DLGAP2: variants seen among roughly 807,000 people sequenced by gnomAD.
DLGAP2 encodes disks large-associated protein 2.
In DLGAP2, 26 loss-of-function variants were observed where a neutral mutation model predicts 100.3. That is an observed-to-expected ratio of 0.26 (90% CI 0.19 to 0.36). The LOEUF is 0.36. Among genes scored for constraint, DLGAP2 ranks in the 10% least tolerant of loss-of-function variants. The pLI, the probability that DLGAP2 is intolerant of heterozygous loss-of-function variation, is 1.00. For synonymous variants in DLGAP2, 886 were observed against 630.1 expected (o/e 1.41, Z -6.08); for missense variants, 1,858 against 1,453.2 (o/e 1.28, Z -4.53).
intron 1 of DLGAP2, among the ~76,000 whole-genome samples, chr8:787,340 C>T (rs1346641252): frequency 6.6e-6 from 1 of 152,206 alleles, no homozygotes; most frequent in Admixed American, 6.5e-5. Context: ...GACCCTCCTT[C>T]CCATGTTGTA....
chr8:1,321,848 C>T (rs1352962943), intron 3 of DLGAP2, among the ~76,000 whole-genome samples: 2 of 152,162 alleles, frequency 1.3e-5, no homozygotes, highest in African/African-American at 4.8e-5. Flanking sequence ...AACAAGGGTT[C>T]CTTTCTTTGT....
intron 7 of DLGAP2, among the ~76,000 whole-genome samples, chr8:1,628,807 C>G (rs562186776): frequency 6.6e-6 from 1 of 150,966 alleles, no homozygotes; most frequent in Non-Finnish European, 1.5e-5. Context: ...GAGCCTGAGC[C>G]GACCTCACAT....
chr8:1,044,928 C>T (rs537558521), intron 2 of DLGAP2, among the ~76,000 whole-genome samples: 2 of 152,332 alleles, frequency 1.3e-5, no homozygotes, highest in Admixed American at 1.3e-4. Context: ...TCCCCATCAC[C>T]CCATGGTGAG....
intron 3 of DLGAP2, among the ~76,000 whole-genome samples, chr8:1,287,471 C>A (rs79448881): frequency 1.7e-4 from 4 of 23,336 alleles, no homozygotes; most frequent in African/African-American, 3.1e-4. Flanking sequence ...TTCGGTTCAG[C>A]GTGTGTGTGT....
chr8:1,527,387 C>T (rs553081554), intron 4 of DLGAP2, among the ~76,000 whole-genome samples: 2 of 152,358 alleles, frequency 1.3e-5, no homozygotes, highest in South Asian at 4.1e-4. Flanking sequence ...CACAGGCAAG[C>T]TCCCGCTTCT....
At chr8:1,450,768 G>C (rs999151603) in intron 3 of DLGAP2, among the ~76,000 whole-genome samples, 1 of 152,082 alleles carries the variant, frequency 6.6e-6, no homozygotes, top group African/African-American at 2.4e-5. Flanking sequence ...ATGTCTCTGC[G>C]CTCAACGTTC....
At chr8:786,737 C>G (rs1647057811) in intron 1 of DLGAP2, among the ~76,000 whole-genome samples, 1 of 151,154 alleles carries the variant, frequency 6.6e-6, no homozygotes, top group African/African-American at 2.4e-5. Flanking sequence ...CAACTGCCTC[C>G]GAGTGATGCC....
chr8:1,503,981 G>C (rs1413199089), intron 4 of DLGAP2, among the ~76,000 whole-genome samples: 2 of 152,152 alleles, frequency 1.3e-5, no homozygotes, highest in African/African-American at 4.8e-5. Flanking sequence ...GTGACCTGGA[G>C]TCACAAGATT....
chr8:1,043,594 C>T (rs144247814), intron 2 of DLGAP2, among the ~76,000 whole-genome samples: 14 of 151,720 alleles, frequency 9.2e-5, no homozygotes, highest in African/African-American at 2.9e-4. Flanking sequence ...TGAGTGATAA[C>T]GAAAACTAGG....
intron 3 of DLGAP2, among the ~76,000 whole-genome samples, chr8:1,305,285 C>T (rs1231581015): frequency 3.3e-5 from 5 of 152,206 alleles, no homozygotes; most frequent in East Asian, 1.9e-4. Flanking sequence ...CCTGGTCTTC[C>T]GCAGTTCTCT....
chr8:810,502 C>T (rs7820556), intron 1 of DLGAP2, among the ~76,000 whole-genome samples: 119,874 of 152,186 alleles, frequency 0.79, 47,877 homozygotes, highest in East Asian at 0.99. Context: ...CTATTGTTTT[C>T]GAAGTACATT....
chr8:1,060,111 G>C (rs1391623655), intron 2 of DLGAP2, among the ~76,000 whole-genome samples: 1 of 152,210 alleles, frequency 6.6e-6, no homozygotes, highest in Non-Finnish European at 1.5e-5. Flanking sequence ...CCCAGGGTCA[G>C]ATGTGAACCA....
chr8:757,797 C>G (rs1468358858), intron 1 of DLGAP2, among the ~76,000 whole-genome samples: 1 of 152,222 alleles, frequency 6.6e-6, no homozygotes, highest in African/African-American at 2.4e-5. Flanking sequence ...CCCTGGTGCT[C>G]TGCATGAAAG....
intron 2 of DLGAP2, among the ~76,000 whole-genome samples, chr8:1,113,215 A>G (rs771298604): frequency 1.3e-5 from 2 of 152,102 alleles, no homozygotes; most frequent in South Asian, 2.1e-4. Flanking sequence ...GAATTTTACA[A>G]TAGTTTTTTT....
Position 904,911 on chromosome 8 carries a change from G to A in DLGAP2, c.19-3001G>A, listed in dbSNP as rs139738799. Among the ~76,000 whole-genome samples the A allele has an allele frequency of 6.8e-4, 103 of 152,350 alleles. 1 individual carries two copies. The East Asian group carries it at 0.017, about 25-fold the overall frequency. On this transcript the variant is annotated intron_variant, in intron 1 of 14. Coordinates refer to ENST00000637795, the MANE Select transcript of DLGAP2 (RefSeq NM_001346810.2). ...CGGCCTTCTGTAAATCCTTCAGAGAGGAAGAAATAAACCTATTATGGTCCT... is the reference window on the plus strand; with the variant it reads ...CGGCCTTCTGTAAATCCTTCAGAGAAGAAGAAATAAACCTATTATGGTCCT...
intron 2 of DLGAP2, among the ~76,000 whole-genome samples, chr8:1,133,644 C>G (rs1366981062): frequency 6.6e-6 from 1 of 152,118 alleles, no homozygotes; most frequent in Non-Finnish European, 1.5e-5. Context: ...GATTTTATTA[C>G]AGCATAAATT....
chr8:1,540,405 T>G (rs1402651420), intron 4 of DLGAP2, among the ~76,000 whole-genome samples: 1 of 152,166 alleles, frequency 6.6e-6, no homozygotes, highest in Non-Finnish European at 1.5e-5. Context: ...TAAATTTTGT[T>G]TGAATGGCTG....
In DLGAP2 at chr8:1,529,003, T is replaced by C. The variant is rs147511327; in HGVS notation, c.173-19623T>C. ...TGATATTTAACCTTCCTCATGTTTA[T>C]AAAATTATAGTGGCTAAAAATCCTT... On this transcript the variant is annotated intron_variant, in intron 4 of 14. Coordinates refer to ENST00000637795, the MANE Select transcript of DLGAP2 (RefSeq NM_001346810.2). 7.2e-5 allele frequency among the ~76,000 whole-genome samples: 11 copies of C among 152,368 alleles called. No homozygotes were observed. The East Asian group carries it at 1.9e-3, about 27-fold the overall frequency.
intron 2 of DLGAP2, among the ~76,000 whole-genome samples, chr8:1,206,184 A>G (rs1291726631): frequency 6.6e-6 from 1 of 152,176 alleles, no homozygotes; most frequent in Non-Finnish European, 1.5e-5. Context: ...AAGGGTAGGT[A>G]CAAGTGCCAG....
Sources: allele counts gnomAD v4.1 joint callset (sites outside exome capture counted in the v4.1 genomes callset), GRCh38; gene constraint gnomAD v4.1.1; transcripts MANE v1.5; gene names NCBI Gene and HGNC (gene_info 2026-07-23, HGNC 2026-07-21).